CTNNA3: variants seen among roughly 807,000 people sequenced by gnomAD.
CTNNA3 encodes catenin alpha-3.
CTNNA3 carries 76 observed loss-of-function variants against 95.7 expected under a neutral mutation model. The ratio of observed to expected loss-of-function variants is 0.79; its 90% confidence interval spans 0.66 to 0.96. The LOEUF is 0.96. CTNNA3 is among the 40% of genes least tolerant of loss of function. CTNNA3 has a pLI of 0.00. For missense variants in CTNNA3, 1,191 were observed against 1,089.8 expected (o/e 1.09, Z -1.31); for synonymous variants, 431 against 374.4 (o/e 1.15, Z -1.74).
chr10:66,344,234 A>AC (rs1490710361), intron 12 of CTNNA3, among the ~76,000 whole-genome samples: 1 of 149,998 alleles, frequency 6.7e-6, no homozygotes, highest in Non-Finnish European at 1.5e-5. Context: ...CTCAAAAAAA[A>AC]AAAAAATTGA....
At chr10:65,947,127 C>A (rs967685296) in intron 17 of CTNNA3, among the ~76,000 whole-genome samples, 2 of 146,750 alleles carry the variant, frequency 1.4e-5, no homozygotes, top group African/African-American at 5.0e-5. Context: ...CATTACTCAT[C>A]AGCTATATCT....
intron 11 of CTNNA3, among the ~76,000 whole-genome samples, chr10:66,456,688 A>C (rs1589277279): frequency 6.6e-6 from 1 of 152,224 alleles, no homozygotes; most frequent in African/African-American, 2.4e-5. Context: ...AAAACAAACA[A>C]AAAACACAAA....
chr10:66,271,703 T>C (rs928584091), intron 13 of CTNNA3, among the ~76,000 whole-genome samples: 3 of 152,170 alleles, frequency 2.0e-5, no homozygotes, highest in African/African-American at 7.2e-5. Context: ...TGAGCTGCAC[T>C]TGTGTAGAGC....
Position 65,915,082 on chromosome 10 carries a change from G to A in CTNNA3, c.*5248C>T, listed in dbSNP as rs1004128172. On this transcript the variant is annotated 3_prime_UTR_variant, in exon 18 of 18. Coordinates refer to ENST00000433211, the MANE Select transcript of CTNNA3 (RefSeq NM_013266.4). ...GGATCACTATTTGTTTTGTTATATG[G>A]TGTATCCTAAGAACCTAGAACAGTG... 6 of 151,956 alleles carry A rather than the reference G, an allele frequency of 3.9e-5. No homozygotes were observed. Among genetic ancestry groups the A allele is most frequent in the Admixed American group, 3.9e-4 (6 of 15,242 alleles). The allele number at this position is 151,956 out of a possible 1,614,324, so 9.4% of individuals were successfully genotyped here.
chr10:66,895,914 C>CAAA (rs869248195), intron 7 of CTNNA3, among the ~76,000 whole-genome samples: 253 of 78,088 alleles, frequency 3.2e-3, no homozygotes, highest in African/African-American at 4.7e-3. Context: ...CCTGTCTCTA[C>CAAA]AAAAAAAAAA....
intron 12 of CTNNA3, among the ~76,000 whole-genome samples, chr10:66,298,523 A>G (rs2091815412): frequency 6.6e-6 from 1 of 152,172 alleles, no homozygotes; most frequent in South Asian, 2.1e-4. Flanking sequence ...AGAGAGTTAC[A>G]GTGGTTATAT....
At chr10:67,696,861 C>A (rs184489350), upstream of CTNNA3, among the ~76,000 whole-genome samples, 1 of 152,164 alleles carries the variant, frequency 6.6e-6, no homozygotes, top group Non-Finnish European at 1.5e-5. Context: ...AATTCCTTGA[C>A]ATCCCACTCG....
chr10:66,566,335 T>C lies in CTNNA3; in HGVS notation c.1375-45562A>G, dbSNP rs192067200. The stretch of plus-strand genomic sequence containing the variant: ...CAAAGAGAGGAATCAGGGATGATTA[T>C]CACTAGTGTCCTAGATCATGACAAT... On this transcript the variant is annotated intron_variant, in intron 10 of 17. Transcript: ENST00000433211. Among the ~76,000 whole-genome samples the C allele has an allele frequency of 5.3e-5, 8 of 152,274 alleles. No individual in the cohort carries two copies. In the East Asian group the frequency reaches 9.7e-4, roughly 18 times the overall value.
intron 7 of CTNNA3, among the ~76,000 whole-genome samples, chr10:66,847,220 ACT>A (rs1185007442): frequency 6.6e-6 from 1 of 151,714 alleles, no homozygotes; most frequent in Non-Finnish European, 1.5e-5. Context: ...TTTTTATATG[ACT>A]CTATTTTCTA....
intron 10 of CTNNA3, among the ~76,000 whole-genome samples, chr10:66,559,603 T>G (rs763857940): frequency 1.3e-5 from 2 of 151,866 alleles, no homozygotes; most frequent in Non-Finnish European, 2.9e-5. Flanking sequence ...TGTACAACAT[T>G]GAGTTTCTTT....
chr10:66,024,084 C>CTTTTTTTTT (rs1183185763), intron 15 of CTNNA3, among the ~76,000 whole-genome samples: 2 of 62,684 alleles, frequency 3.2e-5, no homozygotes, highest in African/African-American at 1.0e-4. Context: ...ATACCATACA[C>CTTTTTTTTT]ATTTTTTTTT....
chr10:66,087,322 C>T (rs1395155198), intron 14 of CTNNA3, among the ~76,000 whole-genome samples: 2 of 152,078 alleles, frequency 1.3e-5, no homozygotes, highest in Non-Finnish European at 2.9e-5. Context: ...AAACTTTCCG[C>T]TCTTAAACCC....
intron 7 of CTNNA3, chr10:67,097,870 T>C (rs976343198): frequency 3.8e-6 from 5 of 1,332,218 alleles, no homozygotes; most frequent in South Asian, 2.4e-5. Context: ...GATGTGTTCA[T>C]TGTGGACTCT....
intron 15 of CTNNA3, among the ~76,000 whole-genome samples, chr10:66,041,583 A>AT (rs1053329866): frequency 6.6e-6 from 1 of 152,166 alleles, no homozygotes; most frequent in East Asian, 1.9e-4. Flanking sequence ...AAACAAACAA[A>AT]TAAAATGAAG....
At chr10:66,327,128 T>G (rs1473585580) in intron 12 of CTNNA3, among the ~76,000 whole-genome samples, 1 of 152,144 alleles carries the variant, frequency 6.6e-6, no homozygotes, top group South Asian at 2.1e-4. Context: ...GAAAACAATG[T>G]CAAAATCTAA....
chr10:66,229,771 CTT>C (rs1367866858), intron 13 of CTNNA3, among the ~76,000 whole-genome samples: 1 of 152,094 alleles, frequency 6.6e-6, no homozygotes, highest in South Asian at 2.1e-4. Context: ...TCTTCTAAGA[CTT>C]AGGACATTTT....
chr10:66,905,032 A>C (rs902171296), intron 7 of CTNNA3, among the ~76,000 whole-genome samples: 1 of 152,210 alleles, frequency 6.6e-6, no homozygotes, highest in Non-Finnish European at 1.5e-5. Flanking sequence ...TATATACCCA[A>C]AGGATTATAA....
intron 7 of CTNNA3, among the ~76,000 whole-genome samples, chr10:67,047,884 C>G (rs1328692385): frequency 6.6e-6 from 1 of 151,750 alleles, no homozygotes; most frequent in Admixed American, 6.6e-5. Flanking sequence ...AACAAAAAAA[C>G]AAAACAAAAG....
At chr10:67,740,284 CA>C (rs1477594684) in intron 1 of CTNNA3, among the ~76,000 whole-genome samples, 1 of 152,012 alleles carries the variant, frequency 6.6e-6, no homozygotes, top group Non-Finnish European at 1.5e-5. Flanking sequence ...AAAGCAATGG[CA>C]ACAAAAGCCA....
Sources: gnomAD v4.1 joint callset for allele counts (sites outside exome capture counted in the v4.1 genomes callset) on GRCh38, gnomAD v4.1.1 for gene constraint, MANE v1.5 for transcripts, NCBI Gene and HGNC (gene_info 2026-07-23, HGNC 2026-07-21) for gene names.